The following YWHAQ variants were observed in gnomAD, a reference collection of about 807,000 sequenced individuals.
YWHAQ encodes the protein 14-3-3 protein theta.
YWHAQ carries 6 observed loss-of-function variants against 28.3 expected under a neutral mutation model. The observed-to-expected ratio is 0.21, with a 90% confidence interval of 0.12 to 0.42. YWHAQ has a LOEUF of 0.42. Ranked by LOEUF, YWHAQ falls within the 10% of genes least tolerant of loss-of-function variation. The pLI is 1.00. For synonymous variants in YWHAQ, 143 were observed against 119.1 expected (o/e 1.20, Z -1.31); for missense variants, 201 against 305.6 (o/e 0.66, Z 2.55).
intron 2 of YWHAQ, among the ~76,000 whole-genome samples, chr2:9,602,279 T>C (rs1395472881): frequency 6.6e-6 from 1 of 151,914 alleles, no homozygotes. Flanking sequence ...ATTAAAAAAT[T>C]AGCCAGGCAT....
At chr2:9,591,346 T>G (rs1666451450) in intron 3 of YWHAQ, 46 bp downstream of exon 3, 1 of 1,584,712 alleles carries the variant, frequency 6.3e-7, no homozygotes, top group Non-Finnish European at 8.6e-7. Context: ...TATCCCCATT[T>G]CTTTTTTTTA....
chr2:9,588,529 G>A, intron 3 of YWHAQ, among the ~76,000 whole-genome samples: 1 of 152,126 alleles, frequency 6.6e-6, no homozygotes, highest in East Asian at 1.9e-4. Flanking sequence ...CCAGCACTTT[G>A]GGAGGCCGAG....
intron 2 of YWHAQ, among the ~76,000 whole-genome samples, chr2:9,594,027 T>C (rs77607996): frequency 6.6e-6 from 1 of 150,536 alleles, no homozygotes; most frequent in Non-Finnish European, 1.5e-5. Context: ...AGTATAAAAT[T>C]ATGTATCGAA....
intron 2 of YWHAQ, among the ~76,000 whole-genome samples, chr2:9,624,840 C>T (rs1464444910): frequency 6.6e-6 from 1 of 151,740 alleles, no homozygotes; most frequent in East Asian, 2.0e-4. Flanking sequence ...TCTGTCTCCC[C>T]GATTGTAGCA....
chr2:9,593,037 A>G (rs1207321554), intron 2 of YWHAQ, among the ~76,000 whole-genome samples: 2 of 152,208 alleles, frequency 1.3e-5, no homozygotes, highest in Non-Finnish European at 2.9e-5. Context: ...CGCTCAGTTA[A>G]TATTATATAA....
intron 2 of YWHAQ, among the ~76,000 whole-genome samples, chr2:9,605,932 C>A (rs1411303715): frequency 7.2e-5 from 11 of 152,200 alleles, no homozygotes; most frequent in Non-Finnish European, 1.3e-4. Context: ...CATGTTAGCA[C>A]ACTACACATT....
intron 2 of YWHAQ, among the ~76,000 whole-genome samples, chr2:9,601,668 C>T (rs111482411): frequency 1.3e-5 from 2 of 151,656 alleles, no homozygotes; most frequent in African/African-American, 4.8e-5. Context: ...TTTTTTGAGA[C>T]AGAATCTCAC....
chr2:9,617,329 C>T (rs969709105), intron 2 of YWHAQ, among the ~76,000 whole-genome samples: 4 of 152,080 alleles, frequency 2.6e-5, no homozygotes. Flanking sequence ...AATTCTGATA[C>T]ATGTTTCAAC....
At position 9,585,361 on chromosome 2, in the gene YWHAQ, T is replaced by C; in HGVS notation, c.679-16A>G. On this transcript the variant is annotated splice_polypyrimidine_tract_variant and intron_variant, in intron 5 of 5. Coordinates refer to ENST00000238081, the MANE Select transcript of YWHAQ (RefSeq NM_006826.4). ...ATGTCCAAAGCTAGAAAAAGAAGAA[T>C]CATATTAAGTTACTATTTCTAGATT... The C allele has an allele frequency of 6.2e-7, 1 of 1,613,922 alleles. No homozygotes were observed. Among genetic ancestry groups the C allele is most frequent in the Non-Finnish European group, 8.5e-7 (1 of 1,179,872 alleles).
At chr2:9,604,970 C>T (rs1666790516) in intron 2 of YWHAQ, among the ~76,000 whole-genome samples, 1 of 152,088 alleles carries the variant, frequency 6.6e-6, no homozygotes, top group South Asian at 2.1e-4. Flanking sequence ...CAGCCATGGC[C>T]TGGCAACATG....
intron 2 of YWHAQ, among the ~76,000 whole-genome samples, chr2:9,620,917 T>C (rs1214368990): frequency 6.6e-6 from 1 of 152,204 alleles, no homozygotes; most frequent in African/African-American, 2.4e-5. Flanking sequence ...AGTTCTACTA[T>C]TAACTTCAGT....
At chr2:9,590,273 A>G (rs1666430756) in intron 3 of YWHAQ, among the ~76,000 whole-genome samples, 1 of 152,168 alleles carries the variant, frequency 6.6e-6, no homozygotes, top group African/African-American at 2.4e-5. Flanking sequence ...ATCATGTCCA[A>G]TTCTGCTTAC....
intron 2 of YWHAQ, among the ~76,000 whole-genome samples, chr2:9,601,806 C>T (rs1298092235): frequency 3.3e-5 from 5 of 152,028 alleles, no homozygotes; most frequent in African/African-American, 9.7e-5. Context: ...CCACCTTGCT[C>T]GGCTAATTTC....
intron 2 of YWHAQ, among the ~76,000 whole-genome samples, chr2:9,622,539 C>T (rs1667162282): frequency 6.6e-6 from 1 of 152,128 alleles, no homozygotes. Context: ...ACCTATGCGC[C>T]TTGGCCCCAT....
At chr2:9,596,929 G>C (rs73913142) in intron 2 of YWHAQ, among the ~76,000 whole-genome samples, 1,747 of 152,340 alleles carry the variant, frequency 0.011, 35 homozygotes, top group African/African-American at 0.04. Flanking sequence ...ACAGGCCTGA[G>C]CCACGGTGCC....
At chr2:9,594,333 C>A (rs1051274579) in intron 2 of YWHAQ, among the ~76,000 whole-genome samples, 1 of 152,060 alleles carries the variant, frequency 6.6e-6, no homozygotes, top group Non-Finnish European at 1.5e-5. Flanking sequence ...TCCTCTATTA[C>A]CATTTTCATG....
intron 2 of YWHAQ, among the ~76,000 whole-genome samples, chr2:9,613,486 G>T (rs575678694): frequency 6.6e-6 from 1 of 152,174 alleles, no homozygotes; most frequent in East Asian, 1.9e-4. Flanking sequence ...CAATCAAGTG[G>T]TTTATTATTT....
At chr2:9,610,284 A>G (rs181235694) in intron 2 of YWHAQ, among the ~76,000 whole-genome samples, 2 of 152,262 alleles carry the variant, frequency 1.3e-5, no homozygotes, top group East Asian at 1.9e-4. Flanking sequence ...ATAACTCACA[A>G]ATTTGCTCCT....
chr2:9,610,570 G>A (rs1048545380), intron 2 of YWHAQ, among the ~76,000 whole-genome samples: 5 of 152,140 alleles, frequency 3.3e-5, no homozygotes, highest in South Asian at 4.1e-4. Flanking sequence ...GTGCAACGGC[G>A]CAATCTCGGC....
Sources: allele counts gnomAD v4.1 joint callset (sites outside exome capture counted in the v4.1 genomes callset), GRCh38; gene constraint gnomAD v4.1.1; transcripts MANE v1.5; gene names NCBI Gene and HGNC (gene_info 2026-07-23, HGNC 2026-07-21).